KLKB1: variants seen among roughly 807,000 people sequenced by gnomAD.
The protein encoded by KLKB1 is plasma kallikrein.
Under a neutral mutation model 73.6 loss-of-function variants are expected in KLKB1, and 58 were observed. That is an observed-to-expected ratio of 0.79 (90% CI 0.64 to 0.98). The LOEUF (loss-of-function observed/expected upper bound fraction) is 0.98, where lower values mean the gene tolerates loss of function less well. KLKB1 is among the 50% of genes least tolerant of loss of function. KLKB1 has a pLI of 0.00. For missense variants in KLKB1, 737 were observed against 763.8 expected, an observed-to-expected ratio of 0.96 and a Z score of 0.41; for synonymous variants, 280 against 258.1, an observed-to-expected ratio of 1.08 and a Z score of -0.81.
Position 186,256,971 on chromosome 4 carries a change from C to A in KLKB1, c.1586-255C>A, listed in dbSNP as rs4253387. ...GGACAGTACAGGGTGCCGTCTCTCT[C>A]CCTCTTCCTCTCTCTGTCTCTCTCT... On this transcript the variant is annotated intron_variant, in intron 13 of 14. Transcript: ENST00000264690. Among the ~76,000 whole-genome samples the A allele has an allele frequency of 2.8e-3, 368 of 133,668 alleles. 2 individuals carry two copies. The highest frequency in any genetic ancestry group is 0.01 in the African/African-American group (355 of 35,084). The allele number at this position is 133,668 out of a possible 152,430, so 87.7% of individuals were successfully genotyped here. A position where few individuals can be genotyped will look rare whatever the true frequency, so the allele number is the denominator to read the frequency against.
intron 6 of KLKB1, among the ~76,000 whole-genome samples, chr4:186,238,871 GA>G: frequency 6.6e-6 from 1 of 151,602 alleles, no homozygotes; most frequent in South Asian, 2.1e-4. Flanking sequence ...GCAGTTATAG[GA>G]AACTAGTACA....
chr4:186,232,199 C>A lies in KLKB1; in HGVS notation c.131C>A (p.Ala44Asp), dbSNP rs772197825. ...GDVASMYTPN[A>D]QYCQMRCTFH... is the part of the protein sequence containing the mutation. ...GTAGCTTCCATGTACACCCCAAATGCCCAATACTGCCAGATGAGGTGCACA... is the reference window on the plus strand; with the variant it reads ...GTAGCTTCCATGTACACCCCAAATGACCAATACTGCCAGATGAGGTGCACA... The change falls in exon 3 of 15, where the codon GCC becomes GAC. Residue 44 changes from alanine to aspartate, a missense_variant. By Grantham distance (126) the Ala-to-Asp change is moderately radical. Transcript: ENST00000264690. 1.2e-6 allele frequency: 2 copies of A among 1,613,638 alleles called. No homozygotes were observed. Among genetic ancestry groups the A allele is most frequent in the African/African-American group, 2.7e-5 (2 of 74,908 alleles).
At chr4:186,214,948 C>T (rs1340714174) in intron 2 of KLKB1, among the ~76,000 whole-genome samples, 1 of 152,162 alleles carries the variant, frequency 6.6e-6, no homozygotes, top group Non-Finnish European at 1.5e-5. Flanking sequence ...ATTATCTCTC[C>T]TCTTTACCCG....
chr4:186,239,303 T>C (rs1737881206), intron 6 of KLKB1, among the ~76,000 whole-genome samples: 2 of 150,608 alleles, frequency 1.3e-5, no homozygotes, highest in Non-Finnish European at 3.0e-5. Context: ...ACTGTTATAG[T>C]TATAGGACAG....
upstream of KLKB1, among the ~76,000 whole-genome samples, chr4:186,224,594 G>C (rs550098933): frequency 2.6e-5 from 4 of 152,306 alleles, no homozygotes; most frequent in South Asian, 8.3e-4. Context: ...CTCCCATTTG[G>C]AATGGGAACA....
In KLKB1 at chr4:186,250,328, G is replaced by A; in HGVS notation, c.684G>A (p.Arg228=). 1 of 1,613,966 alleles carries A rather than the reference G, an allele frequency of 6.2e-7. No individual in the cohort carries two copies. Reference sequence around the variant, plus strand: ...TCACTCCAGATGCTTTTGTGTGTCGGACCATCTGCACCTATCACCCCAACT... The same window carrying A: ...TCACTCCAGATGCTTTTGTGTGTCGAACCATCTGCACCTATCACCCCAACT... ...RVLTPDAFVC[R]TICTYHPNCL... Residue 228 remains arginine, a synonymous_variant, in exon 7 of 15, where the codon CGG becomes CGA. Transcript: ENST00000264690.
At chr4:186,231,751 A>C (rs1231976325) in intron 2 of KLKB1, among the ~76,000 whole-genome samples, 2 of 152,242 alleles carry the variant, frequency 1.3e-5, no homozygotes, top group African/African-American at 4.8e-5. Flanking sequence ...AAGCTGGTGG[A>C]GATGTTTGTT....
At chr4:186,248,942 C>T (rs1038153675) in intron 6 of KLKB1, among the ~76,000 whole-genome samples, 1 of 152,084 alleles carries the variant, frequency 6.6e-6, no homozygotes, top group African/African-American at 2.4e-5. Flanking sequence ...TGTATCTTTT[C>T]GTGTGCTCAT....
chr4:186,233,148 C>T (rs557262910), intron 3 of KLKB1, among the ~76,000 whole-genome samples: 4 of 152,234 alleles, frequency 2.6e-5, no homozygotes, highest in African/African-American at 7.2e-5. Flanking sequence ...CTCCTGACCT[C>T]GTGATCCACC....
chr4:186,257,463 A>C, intron 14 of KLKB1, 98 bp downstream of exon 14: 4 of 1,066,018 alleles, frequency 3.8e-6, no homozygotes, highest in Non-Finnish European at 5.3e-6. Context: ...GTTTTTAAAA[A>C]AATTCAGAGA....
chr4:186,237,997 C>T (rs4253348), intron 5 of KLKB1, among the ~76,000 whole-genome samples: 83 of 152,166 alleles, frequency 5.5e-4, no homozygotes, highest in African/African-American at 1.8e-3. Flanking sequence ...CCTGAAGTTC[C>T]GTTTGCCCCA....
At chr4:186,237,524 G>T (rs28681094) in intron 5 of KLKB1, among the ~76,000 whole-genome samples, 318 of 152,146 alleles carry the variant, frequency 2.1e-3, no homozygotes, top group African/African-American at 7.2e-3. Flanking sequence ...GCTGATTCTT[G>T]CAGGTCTTTC....
chr4:186,219,521 A>G (rs1192101020), intron 2 of KLKB1, among the ~76,000 whole-genome samples: 1 of 152,222 alleles, frequency 6.6e-6, no homozygotes, highest in Non-Finnish European at 1.5e-5. Flanking sequence ...AGGAAAAAGA[A>G]AGGAAATAAA....
At chr4:186,257,933 T>G (rs1241660380) in intron 14 of KLKB1, 88 bp from the exon 15 acceptor site, 1 of 1,109,470 alleles carries the variant, frequency 9.0e-7, no homozygotes, top group East Asian at 2.4e-5. Flanking sequence ...TGTTGCTGTG[T>G]AGTGGACTAC....
rs775934659 is a variant in KLKB1 at position 186,236,912 on chromosome 4, A to G, written c.460A>G (p.Thr154Ala). 4 of 1,614,120 alleles carry G rather than the reference A, an allele frequency of 2.5e-6. No homozygotes were observed. Residue 154 changes from threonine (T) to alanine (A), a missense_variant, in exon 5 of 15, where the codon ACG becomes GCG. Transcript: ENST00000264690. ...NIRCQFFSYA[T>A]QTFHKAEYRN... Reference sequence around the variant, plus strand: ...TCGCTGCCAGTTTTTTTCATATGCCACGCAAACATTTCACAAGGCAGAGTA... The same window carrying G: ...TCGCTGCCAGTTTTTTTCATATGCCGCGCAAACATTTCACAAGGCAGAGTA...
At chr4:186,251,054 T>C (rs969283815) in intron 7 of KLKB1, 165 bp from the exon 8 acceptor site, 9 of 605,396 alleles carry the variant, frequency 1.5e-5, no homozygotes, top group Non-Finnish European at 2.0e-5. Flanking sequence ...ACATTTAATC[T>C]CTGCAATTTA....
At chr4:186,256,701 CCT>C (rs1561468543) in intron 13 of KLKB1, among the ~76,000 whole-genome samples, 1 of 152,088 alleles carries the variant, frequency 6.6e-6, no homozygotes, top group Non-Finnish European at 1.5e-5. Context: ...ACAAAAGACC[CCT>C]CTGTTGCCAA....
Position 186,234,010 on chromosome 4 carries a change from G to A in KLKB1, c.280G>A (p.Gly94Ser), listed in dbSNP as rs146728804. The part of the protein sequence containing the change: ...TGTLPKVHRT[G>S]AVSGHSLKQC... Reference sequence around the variant, plus strand: ...AACCCTGCCAAAAGTACATCGAACAGGTGCAGTTTCTGGACATTCCTTGAA... The same window carrying A: ...AACCCTGCCAAAAGTACATCGAACAAGTGCAGTTTCTGGACATTCCTTGAA... The change falls in exon 4 of 15, where the codon GGT becomes AGT. Residue 94 changes from glycine to serine, a missense_variant. Coordinates refer to ENST00000264690, the MANE Select transcript of KLKB1 (RefSeq NM_000892.5). The A allele has an allele frequency of 2.1e-4, 340 of 1,614,096 alleles. No individual in the cohort carries two copies. The highest frequency in any genetic ancestry group is 3.5e-4 in the Admixed American group (21 of 60,032).
intron 2 of KLKB1, chr4:186,211,302 C>T (rs1362032469): frequency 6.6e-6 from 1 of 152,118 alleles, no homozygotes; most frequent in Non-Finnish European, 1.5e-5. Context: ...ATAATTTAAT[C>T]AAAGTTCTAG....
Sources: allele counts gnomAD v4.1 joint callset (sites outside exome capture counted in the v4.1 genomes callset), GRCh38; gene constraint gnomAD v4.1.1; transcripts MANE v1.5; gene names NCBI Gene and HGNC (gene_info 2026-07-23, HGNC 2026-07-21).